The following KCNMB3 variants were observed in gnomAD, a reference collection of about 807,000 sequenced individuals.
The protein encoded by KCNMB3 is calcium-activated potassium channel subunit beta-3.
Under a neutral mutation model 11.9 loss-of-function variants are expected in KCNMB3, and 18 were observed. The observed-to-expected ratio is 1.51, with a 90% CI of 1.04 to 2.23. The LOEUF is 2.23. Ranked by LOEUF, KCNMB3 falls within the 30% of genes most tolerant of loss-of-function variation. The pLI is 0.00. For synonymous variants in KCNMB3, 78 were observed against 119.2 expected (o/e 0.65, Z 2.25); for missense variants, 247 against 329.4 (o/e 0.75, Z 1.94).
At chr3:179,266,959 C>G (rs1726387569) in exon 1 of KCNMB3, 1 of 1,285,694 alleles carries the variant, frequency 7.8e-7, no homozygotes, top group Non-Finnish European at 9.9e-7. Flanking sequence ...GAAGGACCTG[C>G]GTGGTTTGCT....
chr3:179,252,422 T>TC (rs1430197813), upstream of KCNMB3, among the ~76,000 whole-genome samples: 1 of 152,194 alleles, frequency 6.6e-6, no homozygotes, highest in Non-Finnish European at 1.5e-5. Context: ...GTTGTTTTTT[T>TC]CCCACAAGCA....
chr3:179,260,746 A>C, intron 1 of KCNMB3: 1 of 1,440,922 alleles, frequency 6.9e-7, no homozygotes, highest in South Asian at 1.1e-5. Flanking sequence ...CAGCAAACTG[A>C]AACTGCAGTA....
At chr3:179,259,141 G>A in intron 1 of KCNMB3, 2 of 1,574,524 alleles carry the variant, frequency 1.3e-6, no homozygotes, top group Non-Finnish European at 1.7e-6. Context: ...TGGTTTTTTA[G>A]GCTATTGCTG....
downstream of KCNMB3, chr3:179,241,535 T>A (rs181827975): frequency 1.3e-5 from 2 of 154,054 alleles, no homozygotes; most frequent in East Asian, 1.9e-4. Context: ...TACATCTACA[T>A]ACAAAAGTAG....
chr3:179,257,332 G>A (rs576317779), intron 1 of KCNMB3, among the ~76,000 whole-genome samples: 1 of 152,142 alleles, frequency 6.6e-6, no homozygotes, highest in African/African-American at 2.4e-5. Context: ...TGAGGATTTG[G>A]TCTTTTTGCA....
chr3:179,248,129 T>C (rs1443191647), intron 1 of KCNMB3, among the ~76,000 whole-genome samples: 1 of 152,166 alleles, frequency 6.6e-6, no homozygotes, highest in South Asian at 2.1e-4. Flanking sequence ...CATTTAGGTA[T>C]TAAGAAGCAA....
chr3:179,261,149 A>C, intron 1 of KCNMB3: 1 of 1,334,696 alleles, frequency 7.5e-7, no homozygotes, highest in Non-Finnish European at 1.0e-6. Flanking sequence ...CAGCTCCTTC[A>C]TGGGGATCTC....
chr3:179,248,970 C>G (rs1414863636), intron 1 of KCNMB3, among the ~76,000 whole-genome samples: 1 of 151,428 alleles, frequency 6.6e-6, no homozygotes, highest in Non-Finnish European at 1.5e-5. Flanking sequence ...TGTGATCACA[C>G]CACTGCACTC....
exon 1 of KCNMB3, chr3:179,266,915 T>A: frequency 7.1e-7 from 1 of 1,413,762 alleles, no homozygotes; most frequent in Non-Finnish European, 9.2e-7. Flanking sequence ...TGCAGACTCC[T>A]GGCAAGGCGG....
At chr3:179,264,686 C>A (rs545728632) in intron 1 of KCNMB3, among the ~76,000 whole-genome samples, 13 of 152,302 alleles carry the variant, frequency 8.5e-5, no homozygotes, top group South Asian at 2.1e-4. Flanking sequence ...CAGAAGCCAG[C>A]AGCCTCTCCC....
chr3:179,246,247 A>G (rs1395579383), intron 1 of KCNMB3, among the ~76,000 whole-genome samples: 1 of 152,132 alleles, frequency 6.6e-6, no homozygotes, highest in African/African-American at 2.4e-5. Context: ...CCACGTCTTC[A>G]CTGAAAATAC....
At chr3:179,265,742 G>A (rs1197944478) in intron 1 of KCNMB3, among the ~76,000 whole-genome samples, 1 of 152,214 alleles carries the variant, frequency 6.6e-6, no homozygotes, top group Non-Finnish European at 1.5e-5. Context: ...ACAGGTGTGA[G>A]CCACCGCGCC....
chr3:179,250,819 C>T lies in KCNMB3; in HGVS notation c.172G>A (p.Gly58Arg). Residue 58 changes from glycine (G) to arginine (R), a missense_variant, in exon 1 of 3, where the codon GGG becomes AGG. Gly to Arg is a moderately radical substitution (Grantham distance 125). Around this residue, in one of 2 missense-constraint regions of KCNMB3, gnomAD observed 160 missense variants for 157.5 expected, o/e 1.02. Coordinates refer to ENST00000392685, the MANE Select transcript of KCNMB3 (RefSeq NM_171830.2). ...ACTGAGAAGCCCATCATGGCAAACC[C>T]CAGCATCACGGCTCGGTCCTCTCCA... ...SAGEDRAVML[G>R]FAMMGFSVLM... 1 of 1,614,154 alleles carries T rather than the reference C, an allele frequency of 6.2e-7. No individual in the cohort carries two copies. The highest frequency in any genetic ancestry group is 2.2e-5 in the East Asian group (1 of 44,880).
At position 179,243,055 on chromosome 3, in the gene KCNMB3, A is replaced by G. The variant is rs145985409; in HGVS notation, c.677T>C (p.Met226Thr). ...GGACAGGTGTTGTGTTAATCTCACCATGCCAACAATCAGGGCACCACCTAG... is the reference window on the plus strand; with the variant it reads ...GGACAGGTGTTGTGTTAATCTCACCGTGCCAACAATCAGGGCACCACCTAG... ...TLLGGALIVGMVRLTQHLSLL... is the reference protein window; with the variant it reads ...TLLGGALIVGTVRLTQHLSLL... Residue 226 changes from methionine to threonine, a missense_variant, in exon 3 of 3, where the codon ATG becomes ACG. By Grantham distance (81) the Met-to-Thr change is moderately conservative. Around this residue, in one of 2 missense-constraint regions of KCNMB3, gnomAD observed 87 missense variants for 171.9 expected, o/e 0.51. Coordinates refer to ENST00000392685, the MANE Select transcript of KCNMB3 (RefSeq NM_171830.2). The G allele has an allele frequency of 5.6e-4, 887 of 1,590,444 alleles. 3 individuals carry two copies. In the African/African-American group the frequency reaches 0.011, roughly 20 times the overall value.
At chr3:179,263,379 C>A (rs1487610479) in intron 1 of KCNMB3, among the ~76,000 whole-genome samples, 1 of 152,236 alleles carries the variant, frequency 6.6e-6, no homozygotes, top group Non-Finnish European at 1.5e-5. Flanking sequence ...GGGTTCCCGC[C>A]CGCGCCTCTC....
intron 1 of KCNMB3, among the ~76,000 whole-genome samples, chr3:179,258,708 A>C (rs1726102243): frequency 6.6e-6 from 1 of 152,234 alleles, no homozygotes; most frequent in African/African-American, 2.4e-5. Context: ...GCCTAAGGCA[A>C]ATGGTAAATG....
intron 1 of KCNMB3, chr3:179,260,667 T>A: frequency 7.4e-7 from 1 of 1,348,950 alleles, no homozygotes; most frequent in East Asian, 2.3e-5. Flanking sequence ...TTGGTAACTA[T>A]TTCTGAATTT....
intron 1 of KCNMB3, among the ~76,000 whole-genome samples, chr3:179,262,353 G>C (rs1465182184): frequency 6.6e-6 from 1 of 152,240 alleles, no homozygotes; most frequent in African/African-American, 2.4e-5. Flanking sequence ...CCTTCGCAGT[G>C]AGTGTTATAG....
At chr3:179,241,862 TAATACGATGTG>T (rs949127283), downstream of KCNMB3, 3 of 154,184 alleles carry the variant, frequency 1.9e-5, no homozygotes, top group Non-Finnish European at 4.4e-5. Flanking sequence ...TGCACCAGCC[TAATACGATGTG>T]GATCATCTGA....
Sources: gnomAD v4.1 joint callset for allele counts (sites outside exome capture counted in the v4.1 genomes callset) on GRCh38, gnomAD v4.1.1 for gene constraint, gnomAD v4.1.1 regional missense constraint, MANE v1.5 for transcripts, NCBI Gene and HGNC (gene_info 2026-07-23, HGNC 2026-07-21) for gene names.